The following GPC5 variants were observed in gnomAD, a reference collection of about 807,000 sequenced individuals.
GPC5 encodes the protein glypican 5.
In GPC5, 47 loss-of-function variants were observed where a neutral mutation model predicts 53.9. The observed-to-expected ratio is 0.87, with a 90% CI of 0.69 to 1.11. The LOEUF (loss-of-function observed/expected upper bound fraction) is 1.11, where lower values mean the gene tolerates loss of function less well. GPC5 is among the 50% of genes most tolerant of loss of function. GPC5 has a pLI of 0.00. For synonymous variants in GPC5, 286 were observed against 263.3 expected (o/e 1.09, Z -0.84); for missense variants, 748 against 713.1 (o/e 1.05, Z -0.56).
chr13:91,968,200 A>T (rs2040207269), intron 6 of GPC5, among the ~76,000 whole-genome samples: 1 of 152,036 alleles, frequency 6.6e-6, no homozygotes, highest in South Asian at 2.1e-4. Context: ...ATCTTTTCTC[A>T]TTCCAAAAGC....
intron 7 of GPC5, among the ~76,000 whole-genome samples, chr13:92,350,377 T>G (rs76353634): frequency 0.018 from 2,690 of 152,300 alleles, 88 homozygotes; most frequent in African/African-American, 0.061. Context: ...TTGAAAGTCC[T>G]TACTAGAACA....
At chr13:91,529,945 CTT>C (rs1390438714) in intron 2 of GPC5, among the ~76,000 whole-genome samples, 2 of 151,582 alleles carry the variant, frequency 1.3e-5, no homozygotes, top group East Asian at 3.9e-4. Flanking sequence ...AGTTGTCTCT[CTT>C]TTTTTTTCTC....
chr13:92,717,196 C>G (rs377687775), intron 7 of GPC5, among the ~76,000 whole-genome samples: 3 of 152,136 alleles, frequency 2.0e-5, no homozygotes, highest in African/African-American at 7.2e-5. Context: ...CATTTGGTAA[C>G]ATAGCAGTGC....
At chr13:92,054,708 A>G (rs2041060597) in intron 6 of GPC5, among the ~76,000 whole-genome samples, 1 of 152,164 alleles carries the variant, frequency 6.6e-6, no homozygotes. Context: ...AGTGAAATAT[A>G]ATTTTTGTGA....
chr13:92,794,478 C>T lies in GPC5; in HGVS notation c.1562-71804C>T, dbSNP rs1237846475. ...ATTCCCTTTGAAATCCAGCATAAGACAAGGATGCCCTCTCTCACCATTCCT... is the reference window on the plus strand; with the variant it reads ...ATTCCCTTTGAAATCCAGCATAAGATAAGGATGCCCTCTCTCACCATTCCT... On this transcript the variant is annotated intron_variant, in intron 7 of 7. Transcript: ENST00000377067. Among the ~76,000 whole-genome samples the T allele has an allele frequency of 2.0e-5, 3 of 152,108 alleles. No homozygotes were observed. In the South Asian group the frequency reaches 6.2e-4, roughly 32 times the overall value.
chr13:92,466,203 A>G (rs1464409234), intron 7 of GPC5, among the ~76,000 whole-genome samples: 2 of 150,854 alleles, frequency 1.3e-5, no homozygotes, highest in South Asian at 2.1e-4. Flanking sequence ...TAAATATAGT[A>G]GTAATAGTAG....
intron 7 of GPC5, among the ~76,000 whole-genome samples, chr13:92,286,486 A>G (rs892294616): frequency 3.9e-5 from 6 of 152,170 alleles, no homozygotes; most frequent in African/African-American, 1.4e-4. Context: ...GAACCAACCC[A>G]AATGTCCATC....
intron 5 of GPC5, among the ~76,000 whole-genome samples, chr13:91,821,041 A>G (rs890107413): frequency 1.3e-5 from 2 of 152,320 alleles, no homozygotes; most frequent in African/African-American, 4.8e-5. Context: ...TTGTCAAATT[A>G]TATGAAATGT....
chr13:92,007,211 C>T (rs1181217274), intron 6 of GPC5, among the ~76,000 whole-genome samples: 1 of 152,212 alleles, frequency 6.6e-6, no homozygotes, highest in South Asian at 2.1e-4. Flanking sequence ...TGCATAATGG[C>T]CAGGCCAGCA....
chr13:92,700,106 G>A (rs1594431177), intron 7 of GPC5, among the ~76,000 whole-genome samples: 1 of 152,050 alleles, frequency 6.6e-6, no homozygotes, highest in Non-Finnish European at 1.5e-5. Context: ...ATGAATCTGG[G>A]TGCTCTTGTA....
At chr13:91,918,922 A>G (rs78466882) in intron 6 of GPC5, among the ~76,000 whole-genome samples, 1 of 152,060 alleles carries the variant, frequency 6.6e-6, no homozygotes, top group African/African-American at 2.4e-5. Context: ...GCTTCACGGT[A>G]GCTGCCTAAT....
At chr13:91,454,304 A>G (rs547704896) in intron 2 of GPC5, among the ~76,000 whole-genome samples, 6 of 152,228 alleles carry the variant, frequency 3.9e-5, no homozygotes, top group African/African-American at 1.4e-4. Flanking sequence ...AAAAATATTA[A>G]CTATAGATCT....
intron 3 of GPC5, among the ~76,000 whole-genome samples, chr13:91,718,834 G>A (rs146087243): frequency 1.4e-4 from 22 of 152,082 alleles, no homozygotes; most frequent in African/African-American, 4.8e-4. Flanking sequence ...ATGGCTTATA[G>A]CATTTCTTTG....
At chr13:92,003,174 G>A (rs2040571376) in intron 6 of GPC5, among the ~76,000 whole-genome samples, 1 of 151,810 alleles carries the variant, frequency 6.6e-6, no homozygotes, top group South Asian at 2.1e-4. Flanking sequence ...AGCTGGGCGT[G>A]GTGGTGCATA....
intron 5 of GPC5, among the ~76,000 whole-genome samples, chr13:91,763,816 A>G (rs907389274): frequency 1.3e-5 from 2 of 152,128 alleles, no homozygotes; most frequent in East Asian, 1.9e-4. Flanking sequence ...ACCCCTTGGT[A>G]TCCATGGGGA....
chr13:91,908,492 G>A (rs1181654089), intron 6 of GPC5, among the ~76,000 whole-genome samples: 1 of 152,004 alleles, frequency 6.6e-6, no homozygotes, highest in Admixed American at 6.6e-5. Context: ...TGAATAATAT[G>A]TATTTATAAT....
chr13:92,547,208 G>A lies in GPC5; in HGVS notation c.1562-319074G>A, dbSNP rs544837518. Among the ~76,000 whole-genome samples the A allele has an allele frequency of 5.6e-4, 85 of 152,228 alleles. 1 individual carries two copies. In the South Asian group the frequency reaches 0.017, roughly 31 times the overall value. ...TTAAAAGGGAAATATTAATGTTAGT[G>A]AAAATGAATTTTAGTTCTTTTTAAA... On this transcript the variant is annotated intron_variant, in intron 7 of 7. Transcript: ENST00000377067.
At chr13:92,009,672 T>G (rs1031592025) in intron 6 of GPC5, among the ~76,000 whole-genome samples, 1 of 152,166 alleles carries the variant, frequency 6.6e-6, no homozygotes, top group African/African-American at 2.4e-5. Context: ...CCCTGCAAAT[T>G]CCAGCCACCT....
intron 6 of GPC5, among the ~76,000 whole-genome samples, chr13:92,076,977 C>G (rs922479941): frequency 3.3e-5 from 5 of 152,190 alleles, no homozygotes; most frequent in African/African-American, 1.2e-4. Context: ...TATCCACAAT[C>G]TTTTAGCTTA....
Sources: allele counts gnomAD v4.1 joint callset (sites outside exome capture counted in the v4.1 genomes callset), GRCh38; gene constraint gnomAD v4.1.1; transcripts MANE v1.5; gene names NCBI Gene and HGNC (gene_info 2026-07-23, HGNC 2026-07-21).